NOS3: variants seen among roughly 807,000 people sequenced by gnomAD.
The protein encoded by NOS3 is nitric oxide synthase 3.
In NOS3, 98 loss-of-function variants were observed where a neutral mutation model predicts 144.9. The ratio of observed to expected loss-of-function variants is 0.68; its 90% CI spans 0.57 to 0.80. The LOEUF (loss-of-function observed/expected upper bound fraction) is 0.80, where lower values mean the gene tolerates loss of function less well. Ranked by LOEUF, NOS3 falls within the 30% of genes least tolerant of loss-of-function variation. The pLI, the probability that NOS3 is intolerant of heterozygous loss-of-function variation, is 0.00. For missense variants in NOS3, 1,465 were observed against 1,656.4 expected, an observed-to-expected ratio of 0.88 and a Z score of 2.01; for synonymous variants, 714 against 702.4, an observed-to-expected ratio of 1.02 and a Z score of -0.26.
In NOS3 at chr7:151,014,383, T is replaced by G. The variant is rs890943593; in HGVS notation, c.*214T>G. On this transcript the variant is annotated 3_prime_UTR_variant, in exon 27 of 27. Coordinates refer to ENST00000297494, the MANE Select transcript of NOS3 (RefSeq NM_000603.5). ...CCTCGGGCCTGGGTCCGCCTTAATC[T>G]GGAAGGCCCCTCCCAGCAGCGGTAC... 1.1e-5 allele frequency: 6 copies of G among 536,976 alleles called. No individual in the cohort carries two copies. Among genetic ancestry groups the G allele is most frequent in the African/African-American group, 1.9e-5 (1 of 52,062 alleles). 33.3% of individuals were successfully genotyped at this position (536,976 alleles called of 1,614,324 possible). A position where few individuals can be genotyped will look rare whatever the true frequency, so the allele number is the denominator to read the frequency against.
In NOS3 at chr7:151,013,211, A is replaced by C. The variant is rs753364024; in HGVS notation, c.3107-20A>C. On this transcript the variant is annotated intron_variant, in intron 24 of 26. Transcript: ENST00000297494. ...CTGTGCCCCGGAGAAGAGCCTTCCCAAGCGCGGGGTTGCTTGCAGGGCTGC... is the reference window on the plus strand; with the variant it reads ...CTGTGCCCCGGAGAAGAGCCTTCCCCAGCGCGGGGTTGCTTGCAGGGCTGC... 3.4e-5 allele frequency: 55 copies of C among 1,604,020 alleles called. No homozygotes were observed. The South Asian group carries it at 6.1e-4, about 18-fold the overall frequency.
rs1795207954 is a variant in NOS3, at chr7:151,006,485, A to G, written c.1811A>G (p.Glu604Gly). Residue 604 changes from glutamate to glycine, a missense_variant, in exon 15 of 27, where the codon GAA becomes GGA. Coordinates refer to ENST00000297494, the MANE Select transcript of NOS3 (RefSeq NM_000603.5). The part of the protein sequence containing the change: ...SGPYNSSPRP[E>G]QHKSYKIRFN... ...CCCTACAACAGCTCCCCTCGGCCGG[A>G]ACAGCACAAGTGAGTTGGGTGAGAG... is the stretch of plus-strand genomic sequence containing the variant. 1 of 1,613,498 alleles carries G rather than the reference A, an allele frequency of 6.2e-7. No individual in the cohort carries two copies. The highest frequency in any genetic ancestry group is 8.5e-7 in the Non-Finnish European group (1 of 1,179,822).
chr7:151,002,537 G>A lies in NOS3; in HGVS notation c.1752+233G>A, dbSNP rs1312782217. On this transcript the variant is annotated intron_variant, in intron 14 of 26. Transcript: ENST00000297494. The surrounding 1 kb of genome is among the most constrained non-coding windows in gnomAD (Gnocchi z 4.1). ...ACGCTCCCAGCCCACCCATGTGGCT[G>A]CCTCCCTGCAAGCACATTTGCTTAA... Among the ~76,000 whole-genome samples the A allele has an allele frequency of 3.3e-5, 5 of 151,888 alleles. No individual in the cohort carries two copies. Among genetic ancestry groups the A allele is most frequent in the Non-Finnish European group, 5.9e-5 (4 of 67,982 alleles).
Position 150,995,253 on chromosome 7 carries a change from G to A in NOS3, c.209G>A (p.Arg70His), listed in dbSNP as rs773801891. 8.7e-6 allele frequency: 14 copies of A among 1,611,412 alleles called. No homozygotes were observed. The highest frequency in any genetic ancestry group is 4.0e-5 in the African/African-American group (3 of 74,846). Residue 70 changes from arginine to histidine, a missense_variant, in exon 3 of 27, where the codon CGT (arginine) becomes CAT (histidine). Transcript: ENST00000297494. Reference sequence around the variant, plus strand: ...CCCCCAGAGGGGCCCAAGTTCCCTCGTGTGAAGAACTGGGAGGTGGGGAGC... The same window carrying A: ...CCCCCAGAGGGGCCCAAGTTCCCTCATGTGAAGAACTGGGAGGTGGGGAGC... ...TQPPEGPKFP[R>H]VKNWEVGSIT...
Position 151,014,025 on chromosome 7 carries a change from C to A in NOS3, c.3468C>A (p.His1156Gln). 6.2e-7 allele frequency: 1 copy of A among 1,613,068 alleles called. No homozygotes were observed. Residue 1156 changes from histidine to glutamine, a missense_variant, in exon 27 of 27, where the codon CAC becomes CAA. Transcript: ENST00000297494. The part of the protein sequence containing the change: ...IGVLRDQQRY[H>Q]EDIFGLTLRT... ...TCCGACAGGATCAGCAACGCTACCACGAAGACATTTTCGGGCTCACGCTGC... is the reference window on the plus strand; with the variant it reads ...TCCGACAGGATCAGCAACGCTACCAAGAAGACATTTTCGGGCTCACGCTGC...
In NOS3 at chr7:151,002,271, A is replaced by C. The variant is rs139526064; in HGVS notation, c.1719A>C (p.Thr573=). 154 of 1,598,046 alleles carry C rather than the reference A, an allele frequency of 9.6e-5. No individual in the cohort carries two copies. Among genetic ancestry groups the C allele is most frequent in the Middle Eastern group, 8.3e-4 (5 of 6,060 alleles). ...CGCTGGTGCTGGTGGTAACCAGCAC[A>C]TTTGGGAATGGGGATCCCCCGGAGA... ...HETLVLVVTS[T]FGNGDPPENG... The change falls in exon 14 of 27, where the codon ACA becomes ACC. Residue 573 remains threonine (T), a synonymous_variant. Coordinates refer to ENST00000297494, the MANE Select transcript of NOS3 (RefSeq NM_000603.5). This position sits in a 1 kb window ranked among gnomAD's most constrained non-coding sequence, Gnocchi z 4.1.
chr7:150,995,300 G>A lies in NOS3; in HGVS notation c.256G>A (p.Ala86Thr), dbSNP rs1417289111. The A allele has an allele frequency of 4.5e-5, 73 of 1,610,170 alleles. No individual in the cohort carries two copies. The highest frequency in any genetic ancestry group is 5.9e-5 in the Non-Finnish European group (69 of 1,178,138). Residue 86 changes from alanine to threonine, a missense_variant, in exon 3 of 27, where the codon GCC becomes ACC. By Grantham distance (58) the Ala-to-Thr change is moderately conservative. Coordinates refer to ENST00000297494, the MANE Select transcript of NOS3 (RefSeq NM_000603.5). ...VGSITYDTLS[A>T]QAQQDGPCTP... Reference sequence around the variant, plus strand: ...GAGCATCACCTATGACACCCTCAGCGCCCAGGCGCAGCAGGTAAGGCCGGC... The same window carrying A: ...GAGCATCACCTATGACACCCTCAGCACCCAGGCGCAGCAGGTAAGGCCGGC...
chr7:150,997,144 T>C (rs1469333693), intron 5 of NOS3, among the ~76,000 whole-genome samples: 1 of 152,008 alleles, frequency 6.6e-6, no homozygotes, highest in East Asian at 1.9e-4. Flanking sequence ...GGCCCTATGG[T>C]AGTGCCTTGG....
In NOS3 at chr7:151,001,595, A is replaced by G; in HGVS notation, c.1480A>G (p.Lys494Glu). The G allele has an allele frequency of 6.2e-7, 1 of 1,613,980 alleles. No individual in the cohort carries two copies. Among genetic ancestry groups the G allele is most frequent in the Non-Finnish European group, 8.5e-7 (1 of 1,180,006 alleles). ...CAAGGGCACCGGCATCACCAGGAAG[A>G]AGACCTTTAAAGAAGTGGCCAAGTG... ...AAKGTGITRK[K>E]TFKEVANAVK... is the part of the protein sequence containing the mutation. The change falls in exon 12 of 27, where the codon AAG (lysine) becomes GAG (glutamate). Residue 494 changes from lysine (K) to glutamate (E), a missense_variant. Physicochemically the swap from Lys to Glu is moderately conservative, Grantham distance 56 (BLOSUM62 1). Around this residue, in one of 5 missense-constraint regions of NOS3, gnomAD observed 745 missense variants for 853.9 expected, o/e 0.87. Coordinates refer to ENST00000297494, the MANE Select transcript of NOS3 (RefSeq NM_000603.5).
Position 151,013,708 on chromosome 7 carries a change from C to T in NOS3, c.3256-16C>T, listed in dbSNP as rs528093884. 9 of 1,353,006 alleles carry T rather than the reference C, an allele frequency of 6.7e-6. No homozygotes were observed. The African/African-American group carries it at 1.3e-4, about 19-fold the overall frequency. The allele number at this position is 1,353,006 out of a possible 1,614,324, so 83.8% of individuals were successfully genotyped here. On this transcript the variant is annotated splice_polypyrimidine_tract_variant and intron_variant, in intron 25 of 26. Transcript: ENST00000297494. ...CCACCCCCACCAGGGCCCGCCCTAA[C>T]CCCGCCGCCCCGCAGACCTACGTGC...
intron 2 of NOS3, among the ~76,000 whole-genome samples, 156 bp downstream of exon 2, chr7:150,994,117 A>G (rs1183761913): frequency 6.6e-6 from 1 of 152,186 alleles, no homozygotes; most frequent in Non-Finnish European, 1.5e-5. Context: ...ACAGTCTGGG[A>G]GGCTCAGAAA....
rs1159051398 is a variant in NOS3 at position 151,001,846 on chromosome 7, A to G, written c.1528A>G (p.Met510Val). The G allele has an allele frequency of 1.9e-6, 3 of 1,613,480 alleles. No individual in the cohort carries two copies. Among genetic ancestry groups the G allele is most frequent in the Non-Finnish European group, 1.7e-6 (2 of 1,179,954 alleles). The change falls in exon 13 of 27, where the codon ATG becomes GTG. Residue 510 changes from methionine to valine, a missense_variant. Met to Val is a conservative substitution (Grantham distance 21). Transcript: ENST00000297494. ...ANAVKISASL[M>V]GTVMAKRVKA... Reference sequence around the variant, plus strand: ...CGCCGTGAAGATCTCCGCCTCGCTCATGGGCACGGTGATGGCGAAGCGAGT... The same window carrying G: ...CGCCGTGAAGATCTCCGCCTCGCTCGTGGGCACGGTGATGGCGAAGCGAGT...
intron 25 of NOS3, 99 bp from the exon 26 acceptor site, chr7:151,013,625 C>T (rs1795360270): frequency 8.2e-7 from 1 of 1,223,696 alleles, no homozygotes; most frequent in Non-Finnish European, 1.1e-6. Flanking sequence ...CCACCAGGCC[C>T]GCTCCGGAGA....
rs111811602 is a variant in NOS3 at position 151,003,425 on chromosome 7, C to T, written c.1752+1121C>T. 2.5e-6 allele frequency: 3 copies of T among 1,220,264 alleles called. No homozygotes were observed. In the South Asian group the frequency reaches 4.4e-5, roughly 18 times the overall value. The allele number at this position is 1,220,264 out of a possible 1,614,324, so 75.6% of individuals were successfully genotyped here. Reference sequence around the variant, plus strand: ...ATAGACGTGAGCCACTGCACCTGGCCCTCAGTATCTTAAGCAAGTTGGAAT... The same window carrying T: ...ATAGACGTGAGCCACTGCACCTGGCTCTCAGTATCTTAAGCAAGTTGGAAT... On this transcript the variant is annotated intron_variant, in intron 14 of 26. Coordinates refer to ENST00000297494, the MANE Select transcript of NOS3 (RefSeq NM_000603.5). This position sits in a 1 kb window ranked among gnomAD's most constrained non-coding sequence, Gnocchi z 4.1.
intron 17 of NOS3, among the ~76,000 whole-genome samples, chr7:151,007,894 A>G (rs1054050859): frequency 3.4e-5 from 5 of 146,426 alleles, no homozygotes; most frequent in Admixed American, 3.3e-4. Flanking sequence ...CACACTGTTC[A>G]GGGCAGTGCT....
rs771485624 is a variant in NOS3, at chr7:150,998,689, C to T, written c.816+9C>T. The T allele has an allele frequency of 1.4e-5, 23 of 1,600,704 alleles. No homozygotes were observed. The highest frequency in any genetic ancestry group is 6.9e-5 in the Admixed American group (4 of 57,992). ...ACGTGGAGATCACCGAGGTGGGCAC[C>T]GAGGGCCACCCATGAGGGTGTCCCC... On this transcript the variant is annotated intron_variant, in intron 7 of 26. Coordinates refer to ENST00000297494, the MANE Select transcript of NOS3 (RefSeq NM_000603.5). The surrounding 1 kb of genome is among the most constrained non-coding windows in gnomAD (Gnocchi z 5.0).
chr7:150,993,348 C>CAT lies in NOS3; in HGVS notation c.-51-404_-51-403dup, dbSNP rs1389858000. On this transcript the variant is annotated intron_variant, in intron 1 of 26. Transcript: ENST00000297494. The surrounding 1 kb of genome is among the most constrained non-coding windows in gnomAD (Gnocchi z 4.0). Reference sequence around the variant, plus strand: ...TGTGGTCACTGAGAGTGTGGGCTGCCATCCCCTGCTACAGAAACGGTGCTC... The same window carrying CAT: ...TGTGGTCACTGAGAGTGTGGGCTGCCATATCCCCTGCTACAGAAACGGTGCTC... Among the ~76,000 whole-genome samples the CAT allele has an allele frequency of 6.6e-6, 1 of 152,178 alleles. No homozygotes were observed. The highest frequency in any genetic ancestry group is 2.4e-5 in the African/African-American group (1 of 41,442).
intron 24 of NOS3, 25 bp downstream of exon 24, chr7:151,012,497 C>T (rs1339386173): frequency 6.2e-7 from 1 of 1,602,814 alleles, no homozygotes. Flanking sequence ...TAAAGGACTG[C>T]CTGAAGGGAG....
At position 151,001,260 on chromosome 7, in the gene NOS3, C is replaced by T. The variant is rs371369842; in HGVS notation, c.1263C>T (p.His421=). 4.9e-5 allele frequency: 79 copies of T among 1,613,604 alleles called. No homozygotes were observed. Among genetic ancestry groups the T allele is most frequent in the African/African-American group, 4.3e-4 (32 of 74,920 alleles). Residue 421 remains histidine (H), a synonymous_variant, in exon 11 of 27, where the codon CAC becomes CAT. Transcript: ENST00000297494. Reference sequence around the variant, plus strand: ...CCAAAGTCACCATCGTGGACCACCACGCCGCCACGGCCTCTTTCATGAAGC... The same window carrying T: ...CCAAAGTCACCATCGTGGACCACCATGCCGCCACGGCCTCTTTCATGAAGC... The part of the protein sequence containing the change: ...QLAKVTIVDH[H]AATASFMKHL...
Sources: allele counts gnomAD v4.1 joint callset (sites outside exome capture counted in the v4.1 genomes callset), GRCh38; gene constraint gnomAD v4.1.1; regional missense constraint gnomAD v4.1.1; non-coding constraint Gnocchi (gnomAD v3.1); transcripts MANE v1.5; gene names NCBI Gene and HGNC (gene_info 2026-07-23, HGNC 2026-07-21).